MBP: variants seen among roughly 807,000 people sequenced by gnomAD.
MBP encodes the protein myelin basic protein.
MBP carries 16 observed loss-of-function variants against 35.8 expected under a neutral mutation model. That is an observed-to-expected ratio of 0.45 (90% CI 0.30 to 0.68). The LOEUF (loss-of-function observed/expected upper bound fraction) is 0.68. Among genes scored for constraint, MBP ranks in the 30% least tolerant of loss-of-function variants. The pLI, the probability that MBP is intolerant of heterozygous loss-of-function variation, is 0.08. For missense variants in MBP, 380 were observed against 404.7 expected (o/e 0.94, Z 0.52); for synonymous variants, 143 against 159.6 (o/e 0.90, Z 0.78).
At chr18:77,116,342 C>T (rs1317952064) in intron 1 of MBP, among the ~76,000 whole-genome samples, 1 of 152,206 alleles carries the variant, frequency 6.6e-6, no homozygotes, top group Admixed American at 6.5e-5. Context: ...AGCATTTTAC[C>T]GGGTGAGTCC....
At chr18:77,051,294 T>C (rs1212525335) in intron 3 of MBP, among the ~76,000 whole-genome samples, 1 of 152,244 alleles carries the variant, frequency 6.6e-6, no homozygotes, top group African/African-American at 2.4e-5. Context: ...TACCTTTCAC[T>C]TGCGGGCGAA....
In MBP at chr18:76,979,702, T is replaced by G; in HGVS notation, c.*725A>C. ...ACCAAATCTCCAGGAAGACCCTGTT[T>G]CCTATGTGAGGCCATTGCCCAGCCC... On this transcript the variant is annotated 3_prime_UTR_variant, in exon 9 of 9. Transcript: ENST00000355994. The G allele has an allele frequency of 7.6e-6, 4 of 524,274 alleles. No homozygotes were observed. The highest frequency in any genetic ancestry group is 1.4e-5 in the Non-Finnish European group (4 of 294,540). The allele number at this position is 524,274 out of a possible 1,614,324, so 32.5% of individuals were successfully genotyped here.
chr18:77,062,004 G>A (rs1388111372), intron 3 of MBP, among the ~76,000 whole-genome samples: 4 of 152,196 alleles, frequency 2.6e-5, no homozygotes, highest in African/African-American at 9.7e-5. Context: ...GGCTGGTGAC[G>A]TTTTCACGGT....
chr18:76,988,698 G>T lies in MBP; in HGVS notation c.718-171C>A. The T allele has an allele frequency of 7.3e-7, 1 of 1,377,058 alleles. No homozygotes were observed. The highest frequency in any genetic ancestry group is 9.9e-7 in the Non-Finnish European group (1 of 1,013,030). The allele number at this position is 1,377,058 out of a possible 1,614,324, so 85.3% of individuals were successfully genotyped here. On this transcript the variant is annotated intron_variant, in intron 6 of 8. Coordinates refer to ENST00000355994, the MANE Select transcript of MBP (RefSeq NM_001025101.2). The surrounding 1 kb of genome is among the most constrained non-coding windows in gnomAD (Gnocchi z 5.2). ...AGGGCCACAGCGGCTGTGCAGGTGC[G>T]GGAGGGACAGGAGGGGTGCATGGAT...
intron 8 of MBP, chr18:76,980,694 G>T (rs1176055019): frequency 3.6e-6 from 2 of 557,264 alleles, no homozygotes; most frequent in East Asian, 6.0e-5. Context: ...AACTGGAATC[G>T]GATTCCCAGG....
intron 4 of MBP, among the ~76,000 whole-genome samples, chr18:76,995,881 A>G (rs1015459324): frequency 6.6e-6 from 1 of 152,214 alleles, no homozygotes; most frequent in Non-Finnish European, 1.5e-5. Context: ...AAAAGACACC[A>G]TCAAGAGAAG....
At chr18:77,007,298 G>C (rs568992285) in intron 4 of MBP, among the ~76,000 whole-genome samples, 1 of 152,208 alleles carries the variant, frequency 6.6e-6, no homozygotes, top group Non-Finnish European at 1.5e-5. Flanking sequence ...TCTCAGGGAC[G>C]AGAGAGGGAA....
At chr18:77,050,230 G>C (rs768044813) in intron 3 of MBP, among the ~76,000 whole-genome samples, 1 of 152,150 alleles carries the variant, frequency 6.6e-6, no homozygotes, top group Non-Finnish European at 1.5e-5. Flanking sequence ...AACTTGTTCA[G>C]TTTTGACTCA....
intron 3 of MBP, among the ~76,000 whole-genome samples, chr18:77,038,417 G>A (rs1185013345): frequency 6.6e-6 from 1 of 152,196 alleles, no homozygotes; most frequent in Non-Finnish European, 1.5e-5. Flanking sequence ...ACTAACCCAA[G>A]TTTACACAAC....
At chr18:77,018,413 A>AC (rs1971779188) in intron 3 of MBP, among the ~76,000 whole-genome samples, 1 of 83,922 alleles carries the variant, frequency 1.2e-5, no homozygotes, top group African/African-American at 3.0e-5. Context: ...CCATCCACCC[A>AC]CCCACCATCT....
At chr18:77,066,443 A>G in intron 2 of MBP, 58 bp from the exon 3 acceptor site, 1 of 1,037,394 alleles carries the variant, frequency 9.6e-7, no homozygotes, top group South Asian at 1.3e-5. Context: ...TATCAACAAA[A>G]TAATTGTAAT....
chr18:77,002,446 C>CT (rs1184297707), intron 4 of MBP, among the ~76,000 whole-genome samples: 2 of 152,230 alleles, frequency 1.3e-5, no homozygotes, highest in Admixed American at 6.5e-5. Flanking sequence ...TAGGGATTTC[C>CT]TTATGGGCAT....
intron 2 of MBP, among the ~76,000 whole-genome samples, chr18:77,071,744 T>C (rs577424158): frequency 3.9e-5 from 6 of 151,948 alleles, no homozygotes; most frequent in Admixed American, 6.5e-5. Flanking sequence ...ACAAAGAAAA[T>C]AAGGTAGGAA....
intron 4 of MBP, among the ~76,000 whole-genome samples, chr18:76,998,541 T>TCGC (rs1318186775): frequency 1.3e-5 from 2 of 152,128 alleles, no homozygotes; most frequent in Non-Finnish European, 2.9e-5. Flanking sequence ...CTCGGGTGAC[T>TCGC]CGCAGAAGAG....
rs748614826 is a variant in MBP, at chr18:76,984,772, T to C, written c.870+3A>G. The C allele has an allele frequency of 6.2e-7, 1 of 1,613,928 alleles. No homozygotes were observed. Among genetic ancestry groups the C allele is most frequent in the Non-Finnish European group, 8.5e-7 (1 of 1,179,998 alleles). On this transcript the variant is annotated splice_donor_region_variant and intron_variant, in intron 8 of 8. Coordinates refer to ENST00000355994, the MANE Select transcript of MBP (RefSeq NM_001025101.2). ...CAGTGGAGCTGAGCAGAGGGTACCTTACCAGCTTAAAAATTTTGGAAAGCG... is the reference window on the plus strand; with the variant it reads ...CAGTGGAGCTGAGCAGAGGGTACCTCACCAGCTTAAAAATTTTGGAAAGCG...
chr18:77,103,348 G>A (rs927717691), intron 2 of MBP, among the ~76,000 whole-genome samples: 2 of 152,144 alleles, frequency 1.3e-5, no homozygotes, highest in East Asian at 1.9e-4. Flanking sequence ...TGTAAGTCGG[G>A]GGTTCCCCTG....
chr18:77,089,478 G>A (rs1283276379), intron 2 of MBP, among the ~76,000 whole-genome samples: 1 of 152,232 alleles, frequency 6.6e-6, no homozygotes, highest in Non-Finnish European at 1.5e-5. Context: ...ACAGCCTCAA[G>A]GCACAAAACG....
intron 1 of MBP, among the ~76,000 whole-genome samples, chr18:77,123,368 A>C (rs1007982669): frequency 2.0e-5 from 3 of 152,406 alleles, no homozygotes; most frequent in Middle Eastern, 3.4e-3. Context: ...AACTGTCAAC[A>C]AAAAGCTTTA....
chr18:76,985,867 G>A (rs535345346), intron 7 of MBP: 3 of 988,936 alleles, frequency 3.0e-6, no homozygotes, highest in Admixed American at 5.9e-5. Context: ...ATTTATGGAA[G>A]AGCAGGCCGC....
Sources: gnomAD v4.1 joint callset for allele counts (sites outside exome capture counted in the v4.1 genomes callset) on GRCh38, gnomAD v4.1.1 for gene constraint, Gnocchi (gnomAD v3.1) non-coding constraint, MANE v1.5 for transcripts, NCBI Gene and HGNC (gene_info 2026-07-23, HGNC 2026-07-21) for gene names.